Variants in ALK observed in about 807,000 individuals in gnomAD.
ALK encodes the protein ALK tyrosine kinase receptor.
ALK carries 74 observed loss-of-function variants against 163.1 expected under a neutral mutation model. That is an observed-to-expected ratio of 0.45 (90% confidence interval 0.38 to 0.55). The LOEUF is 0.55. Among genes scored for constraint, ALK ranks in the 20% least tolerant of loss-of-function variants. The pLI, the probability that ALK is intolerant of heterozygous loss-of-function variation, is 0.00. For missense variants in ALK, 2,063 were observed against 2,105.3 expected (o/e 0.98, Z 0.39); for synonymous variants, 960 against 843.2 (o/e 1.14, Z -2.40).
At chr2:29,680,108 T>G (rs998015738) in intron 3 of ALK, among the ~76,000 whole-genome samples, 62 of 152,134 alleles carry the variant, frequency 4.1e-4, no homozygotes, top group African/African-American at 1.3e-3. Context: ...TCTTGTTGTT[T>G]AAGATCTTTG....
rs191662862 is a variant in ALK at position 29,455,859 on chromosome 2, C to T, written c.1155-72000G>A. Among the ~76,000 whole-genome samples the T allele has an allele frequency of 3.7e-3, 558 of 152,270 alleles. 4 individuals are homozygous for T. The highest frequency in any genetic ancestry group is 0.012 in the African/African-American group (484 of 41,544). ...TCTTGAAAAAGAGAACTGACACAAC[C>T]AGGCTCTTCTCTTACACAGACTCTC... On this transcript the variant is annotated intron_variant, in intron 4 of 28. Transcript: ENST00000389048.
chr2:29,201,473 T>G (rs1042772874), intron 26 of ALK, among the ~76,000 whole-genome samples: 2 of 152,036 alleles, frequency 1.3e-5, no homozygotes, highest in Admixed American at 1.3e-4. Context: ...CAGTCAGCAG[T>G]CCTGTTAACT....
intron 4 of ALK, among the ~76,000 whole-genome samples, chr2:29,430,821 A>T (rs1016724620): frequency 1.3e-5 from 2 of 152,210 alleles, no homozygotes; most frequent in Admixed American, 1.3e-4. Context: ...ACTCACTTTG[A>T]TTTGAACAAA....
At chr2:29,758,917 G>A (rs941577724) in intron 1 of ALK, among the ~76,000 whole-genome samples, 6 of 152,058 alleles carry the variant, frequency 3.9e-5, no homozygotes, top group African/African-American at 7.2e-5. Flanking sequence ...TCTTTATAGG[G>A]TCGGTGTTTC....
intron 5 of ALK, among the ~76,000 whole-genome samples, chr2:29,349,289 G>C (rs1192015316): frequency 6.6e-6 from 1 of 152,170 alleles, no homozygotes; most frequent in East Asian, 1.9e-4. Flanking sequence ...TCTTGACCCT[G>C]CTCTGACTGG....
intron 3 of ALK, among the ~76,000 whole-genome samples, chr2:29,666,975 A>G (rs1390663762): frequency 6.6e-6 from 1 of 152,048 alleles, no homozygotes; most frequent in Non-Finnish European, 1.5e-5. Context: ...TTCACTCAAC[A>G]TAACTGTCTT....
chr2:29,274,896 C>A (rs561786649), intron 11 of ALK, among the ~76,000 whole-genome samples: 6 of 152,316 alleles, frequency 3.9e-5, no homozygotes, highest in African/African-American at 1.4e-4. Flanking sequence ...CTTTGTACAA[C>A]CTCCAGAGGT....
At chr2:29,700,029 T>C (rs941506186) in intron 2 of ALK, among the ~76,000 whole-genome samples, 1 of 152,198 alleles carries the variant, frequency 6.6e-6, no homozygotes, top group African/African-American at 2.4e-5. Context: ...AAATGGAGCA[T>C]GTACCCTCCA....
At chr2:29,309,536 G>A (rs894670197) in intron 8 of ALK, among the ~76,000 whole-genome samples, 9 of 152,188 alleles carry the variant, frequency 5.9e-5, no homozygotes, top group African/African-American at 2.2e-4. Context: ...ATTAGCAAGT[G>A]CTCTGGCAGA....
chr2:29,510,805 A>C (rs958256031), intron 4 of ALK, among the ~76,000 whole-genome samples: 1 of 152,120 alleles, frequency 6.6e-6, no homozygotes, highest in African/African-American at 2.4e-5. Context: ...TTGAGAGAGG[A>C]AGAGAACAGA....
chr2:29,263,816 T>C (rs1180167702), intron 11 of ALK, among the ~76,000 whole-genome samples: 1 of 152,196 alleles, frequency 6.6e-6, no homozygotes, highest in Non-Finnish European at 1.5e-5. Flanking sequence ...CACTGGATAA[T>C]GACAGTAGTC....
At chr2:29,471,731 CTTTCT>C in intron 4 of ALK, among the ~76,000 whole-genome samples, 1 of 134,854 alleles carries the variant, frequency 7.4e-6, no homozygotes, top group Non-Finnish European at 1.6e-5. Context: ...TGCTAAATAA[CTTTCT>C]TTTCTTTTTT....
intron 1 of ALK, among the ~76,000 whole-genome samples, chr2:29,732,157 C>G (rs1204685605): frequency 6.6e-6 from 1 of 152,206 alleles, no homozygotes; most frequent in Non-Finnish European, 1.5e-5. Flanking sequence ...TGACTCATAA[C>G]CAAACCCAGC....
intron 1 of ALK, among the ~76,000 whole-genome samples, chr2:29,902,262 C>A (rs1295378078): frequency 6.6e-6 from 1 of 152,144 alleles, no homozygotes; most frequent in Non-Finnish European, 1.5e-5. Flanking sequence ...TATCAAATGA[C>A]CCATTATTAT....
intron 1 of ALK, among the ~76,000 whole-genome samples, chr2:29,889,741 GAGAGAGAGAGAGAGAGAGAA>G (rs1667095444): frequency 9.8e-6 from 1 of 101,530 alleles, no homozygotes; most frequent in Non-Finnish European, 2.3e-5. Flanking sequence ...GAGAGAGAGA[GAGAGAGAGAGAGAGAGAGAA>G]ACCAGGAGGG....
chr2:29,388,022 T>C (rs1669073702), intron 4 of ALK, among the ~76,000 whole-genome samples: 1 of 152,170 alleles, frequency 6.6e-6, no homozygotes, highest in Non-Finnish European at 1.5e-5. Context: ...GTTATCAGGA[T>C]AGACACACTG....
At chr2:29,506,467 T>C (rs1672326253) in intron 4 of ALK, among the ~76,000 whole-genome samples, 1 of 152,100 alleles carries the variant, frequency 6.6e-6, no homozygotes, top group Non-Finnish European at 1.5e-5. Context: ...CTTTAGAAGT[T>C]GAGCAGGATT....
At chr2:29,527,962 G>A (rs12714289) in intron 4 of ALK, among the ~76,000 whole-genome samples, 70,182 of 152,020 alleles carry the variant, frequency 0.46, 16,866 homozygotes, top group East Asian at 0.61. Flanking sequence ...CTGCAGAAAG[G>A]CAAGGCTTTG....
At chr2:29,220,934 T>A (rs2148166983) in intron 22 of ALK, 99 bp from the exon 23 acceptor site, 2 of 1,527,238 alleles carry the variant, frequency 1.3e-6, no homozygotes, top group Non-Finnish European at 1.8e-6. Context: ...TTTCAGCAGC[T>A]ACAATGTATA....
Sources: gnomAD v4.1 joint callset for allele counts (sites outside exome capture counted in the v4.1 genomes callset) on GRCh38, gnomAD v4.1.1 for gene constraint, MANE v1.5 for transcripts, NCBI Gene and HGNC (gene_info 2026-07-23, HGNC 2026-07-21) for gene names.